Variants in EMILIN2 observed in about 807,000 individuals in gnomAD.
EMILIN2 encodes the protein EMILIN-2.
In EMILIN2, 71 loss-of-function variants were observed where a neutral mutation model predicts 87.1. That is an observed-to-expected ratio of 0.82 (90% CI 0.67 to 0.99). EMILIN2 has a LOEUF of 0.99. EMILIN2 is among the 50% of genes least tolerant of loss of function. EMILIN2 has a pLI of 0.00. For synonymous variants in EMILIN2, 581 were observed against 563.4 expected (o/e 1.03, Z -0.44); for missense variants, 1,407 against 1,371.8 (o/e 1.03, Z -0.40).
At position 2,913,131 on chromosome 18, in the gene EMILIN2, C is replaced by T. The variant is rs202121105; in HGVS notation, c.2889C>T (p.Asp963=). 226 of 1,613,832 alleles carry T rather than the reference C, an allele frequency of 1.4e-4. 1 individual carries two copies. The highest frequency in any genetic ancestry group is 6.6e-4 in the Middle Eastern group (4 of 6,062). The change falls in exon 8 of 8, where the codon GAC becomes GAT. Residue 963 remains aspartate, a synonymous_variant. Coordinates refer to ENST00000254528, the MANE Select transcript of EMILIN2 (RefSeq NM_032048.3). ...LITATLTPER[D]AYVEAVLSVS... ...CGGCCACCCTCACCCCCGAGAGAGA[C>T]GCCTACGTGGAAGCAGTGCTGTCGG...
chr18:2,880,730 G>C lies in EMILIN2; in HGVS notation c.258-4234G>C, dbSNP rs965635925. On this transcript the variant is annotated intron_variant, in intron 2 of 7. Coordinates refer to ENST00000254528, the MANE Select transcript of EMILIN2 (RefSeq NM_032048.3). This position sits in a 1 kb window ranked among gnomAD's most constrained non-coding sequence, Gnocchi z 4.1. Reference sequence around the variant, plus strand: ...AGTGAGCATCTCCCGTGTGCTCACAGCCCGGGGCCCCTGGGGATGCTTGGG... The same window carrying C: ...AGTGAGCATCTCCCGTGTGCTCACACCCCGGGGCCCCTGGGGATGCTTGGG... 2.6e-5 allele frequency among the ~76,000 whole-genome samples: 4 copies of C among 152,188 alleles called. No homozygotes were observed. Among genetic ancestry groups the C allele is most frequent in the Admixed American group, 1.3e-4 (2 of 15,280 alleles).
chr18:2,913,336 A>G lies in EMILIN2; in HGVS notation c.3094A>G (p.Thr1032Ala). The change falls in exon 8 of 8, where the codon ACA becomes GCA. Residue 1032 changes from threonine (T) to alanine (A), a missense_variant. Transcript: ENST00000254528. The stretch of plus-strand genomic sequence containing the variant: ...GGTGACTGGGGGCAAGCTGGCTCAC[A>G]CAGACTTTGATGAAATGTACTCCAC... ...VVVTGGKLAH[T>A]DFDEMYSTFS... 1 of 1,612,732 alleles carries G rather than the reference A, an allele frequency of 6.2e-7. No individual in the cohort carries two copies. Among genetic ancestry groups the G allele is most frequent in the Non-Finnish European group, 8.5e-7 (1 of 1,179,264 alleles).
At chr18:2,846,670 A>T, upstream of EMILIN2, 2 of 791,138 alleles carry the variant, frequency 2.5e-6, no homozygotes, top group Non-Finnish European at 3.1e-6. This position sits in a 1 kb window ranked among gnomAD's most constrained non-coding sequence, Gnocchi z 5.3. Context: ...GCTGGCACCC[A>T]GGCACGACGC....
intron 4 of EMILIN2, among the ~76,000 whole-genome samples, chr18:2,901,775 C>T (rs2144058633): frequency 6.6e-6 from 1 of 152,338 alleles, no homozygotes; most frequent in Middle Eastern, 3.4e-3. Context: ...GAGTGCTATC[C>T]AGCCTTTGTT....
At chr18:2,911,103 C>T (rs1205301484) in intron 7 of EMILIN2, among the ~76,000 whole-genome samples, 1 of 152,024 alleles carries the variant, frequency 6.6e-6, no homozygotes, top group Non-Finnish European at 1.5e-5. Flanking sequence ...GAGACTGAGG[C>T]AAGTTTTAGA....
intron 2 of EMILIN2, among the ~76,000 whole-genome samples, chr18:2,857,787 G>A (rs2143960912): frequency 6.6e-6 from 1 of 152,294 alleles, no homozygotes; most frequent in African/African-American, 2.4e-5. Context: ...CCTGGTTTAT[G>A]TCAGGCATCT....
At chr18:2,858,549 ATATATATATATATATATATATG>A (rs1163055283) in intron 2 of EMILIN2, among the ~76,000 whole-genome samples, 7 of 44,178 alleles carry the variant, frequency 1.6e-4, no homozygotes, top group Non-Finnish European at 2.3e-4. Context: ...ATATATATAT[ATATATATATATATATATATATG>A]TGTGTGTGTG....
intron 2 of EMILIN2, among the ~76,000 whole-genome samples, chr18:2,858,638 CTCTT>C (rs2076644869): frequency 8.1e-6 from 1 of 123,122 alleles, no homozygotes; most frequent in African/African-American, 3.2e-5. Context: ...TTTCTTTTTT[CTCTT>C]TCTTTTCTTT....
intron 2 of EMILIN2, among the ~76,000 whole-genome samples, chr18:2,854,206 C>G (rs373393908): frequency 7.2e-5 from 11 of 152,248 alleles, no homozygotes; most frequent in Non-Finnish European, 1.0e-4. Context: ...CCACCTCCCC[C>G]CTCAGCCCCT....
chr18:2,901,576 C>T (rs917588255), intron 4 of EMILIN2, among the ~76,000 whole-genome samples: 5 of 152,206 alleles, frequency 3.3e-5, no homozygotes, highest in African/African-American at 7.2e-5. Context: ...CCGACCCGTG[C>T]GGAGTGTCAG....
intron 4 of EMILIN2, among the ~76,000 whole-genome samples, chr18:2,901,888 G>A (rs889623705): frequency 1.3e-5 from 2 of 152,188 alleles, no homozygotes; most frequent in Non-Finnish European, 1.5e-5. Flanking sequence ...CCAGTGAGAC[G>A]TCGCTTTTTC....
rs147386217 is a variant in EMILIN2, at chr18:2,885,116, G to A, written c.410G>A (p.Arg137Gln). Residue 137 changes from arginine to glutamine, a missense_variant, in exon 3 of 8, where the codon CGA becomes CAA. Arg to Gln is a conservative substitution (Grantham distance 43). Transcript: ENST00000254528. ...CTCCGCCCCACGCCGGCTCGGCCTC[G>A]AAACAGCTTGAAGAAAGCCACAGGT... is the stretch of plus-strand genomic sequence containing the variant. ...KTLRPTPARP[R>Q]NSLKKATDNE... is the part of the protein sequence containing the mutation. The A allele has an allele frequency of 5.2e-5, 83 of 1,608,340 alleles. No individual in the cohort carries two copies. In the Middle Eastern group the frequency reaches 1.3e-3, roughly 24 times the overall value.
At chr18:2,893,856 A>G (rs1181215629) in intron 4 of EMILIN2, among the ~76,000 whole-genome samples, 1 of 152,176 alleles carries the variant, frequency 6.6e-6, no homozygotes, top group Non-Finnish European at 1.5e-5. Flanking sequence ...AAACCAGGCC[A>G]GGCTGCGTCC....
rs2076854223 is a variant in EMILIN2 at position 2,894,416 on chromosome 18, G to A, written c.2359+1930G>A. 6.6e-6 allele frequency among the ~76,000 whole-genome samples: 1 copy of A among 152,094 alleles called. No individual in the cohort carries two copies. The highest frequency in any genetic ancestry group is 2.4e-5 in the African/African-American group (1 of 41,392). The stretch of plus-strand genomic sequence containing the variant: ...TAACCCAGCCCTTCCCCCACTCCAG[G>A]GCCACTCAGCTCCTCTATCTCTGGA... On this transcript the variant is annotated intron_variant, in intron 4 of 7. Coordinates refer to ENST00000254528, the MANE Select transcript of EMILIN2 (RefSeq NM_032048.3). The surrounding 1 kb of genome is among the most constrained non-coding windows in gnomAD (Gnocchi z 5.0).
intron 2 of EMILIN2, among the ~76,000 whole-genome samples, chr18:2,853,364 T>C (rs1048641478): frequency 1.3e-5 from 2 of 152,118 alleles, no homozygotes; most frequent in African/African-American, 4.8e-5. Flanking sequence ...GGACGCAGCC[T>C]CTGAATCTGG....
At chr18:2,856,166 G>C (rs2076626167) in intron 2 of EMILIN2, among the ~76,000 whole-genome samples, 1 of 152,082 alleles carries the variant, frequency 6.6e-6, no homozygotes, top group Non-Finnish European at 1.5e-5. Context: ...CTTGAGTCAA[G>C]GAGTTTGAAT....
rs146858570 is a variant in EMILIN2 at position 2,891,098 on chromosome 18, C to A, written c.971C>A (p.Ala324Asp). The change falls in exon 4 of 8, where the codon GCC becomes GAC. Residue 324 changes from alanine to aspartate, a missense_variant. Ala to Asp is a moderately radical substitution (Grantham distance 126). Transcript: ENST00000254528. This position sits in a 1 kb window ranked among gnomAD's most constrained non-coding sequence, Gnocchi z 4.6. ...YQAYVDSKID[A>D]LREELMEGMD... is the part of the protein sequence containing the mutation. ...GCCTATGTGGACAGTAAGATCGACG[C>A]CCTGAGAGAGGAGCTCATGGAGGGC... The A allele has an allele frequency of 1.2e-3, 1,933 of 1,614,164 alleles. 9 individuals carry two copies. Among genetic ancestry groups the A allele is most frequent in the Middle Eastern group, 6.3e-3 (38 of 6,062 alleles).
chr18:2,875,929 T>C (rs1362914945), intron 2 of EMILIN2, among the ~76,000 whole-genome samples: 2 of 152,088 alleles, frequency 1.3e-5, no homozygotes, highest in Non-Finnish European at 2.9e-5. Context: ...CTTCTATTCA[T>C]TACCCTATAT....
At chr18:2,861,800 T>C (rs897180444) in intron 2 of EMILIN2, among the ~76,000 whole-genome samples, 3 of 152,248 alleles carry the variant, frequency 2.0e-5, no homozygotes, top group Non-Finnish European at 4.4e-5. Context: ...GGGGATGGCA[T>C]TGAATCTCTA....
Sources: gnomAD v4.1 joint callset for allele counts (sites outside exome capture counted in the v4.1 genomes callset) on GRCh38, gnomAD v4.1.1 for gene constraint, Gnocchi (gnomAD v3.1) non-coding constraint, MANE v1.5 for transcripts, NCBI Gene and HGNC (gene_info 2026-07-23, HGNC 2026-07-21) for gene names.